Variants in GRIA2 observed in about 807,000 individuals in gnomAD.
GRIA2 encodes glutamate ionotropic receptor AMPA type subunit 2.
GRIA2 carries 14 observed loss-of-function variants against 97.3 expected under a neutral mutation model. That is an observed-to-expected ratio of 0.14 (90% confidence interval 0.10 to 0.23). The LOEUF is 0.23. Among genes scored for constraint, GRIA2 ranks in the 10% least tolerant of loss-of-function variants. The pLI is 1.00. For missense variants in GRIA2, 558 were observed against 1,069.8 expected (o/e 0.52, Z 6.67); for synonymous variants, 412 against 387.8 (o/e 1.06, Z -0.73).
chr4:157,343,125 T>G (rs1735618131), intron 12 of GRIA2, among the ~76,000 whole-genome samples: 1 of 152,034 alleles, frequency 6.6e-6, no homozygotes, highest in African/African-American at 2.4e-5. Flanking sequence ...GCCCATTTGT[T>G]CCAATATGCA....
intron 2 of GRIA2, among the ~76,000 whole-genome samples, chr4:157,224,004 A>G (rs535423553): frequency 9.5e-4 from 144 of 152,324 alleles, no homozygotes; most frequent in African/African-American, 3.2e-3. Context: ...GAATATGTGT[A>G]TATATTAAAC....
intron 2 of GRIA2, among the ~76,000 whole-genome samples, chr4:157,226,402 C>A (rs1009312966): frequency 3.3e-5 from 5 of 151,740 alleles, no homozygotes; most frequent in Non-Finnish European, 5.9e-5. Flanking sequence ...ACTTTCATTG[C>A]CTTTTAAAAA....
chr4:157,350,368 A>C (rs1020244610), intron 12 of GRIA2, among the ~76,000 whole-genome samples: 1 of 152,036 alleles, frequency 6.6e-6, no homozygotes, highest in African/African-American at 2.4e-5. Flanking sequence ...CGGTATCTAG[A>C]TCTGGGGTCT....
intron 2 of GRIA2, among the ~76,000 whole-genome samples, chr4:157,228,599 G>T (rs1189073310): frequency 6.6e-6 from 1 of 151,888 alleles, no homozygotes; most frequent in Non-Finnish European, 1.5e-5. Context: ...TCAAGACCAG[G>T]CTGGCCAACA....
Position 157,365,213 on chromosome 4 carries a change from CATG to C in GRIA2, c.*1785_*1787del, listed in dbSNP as rs1736832211. 6.6e-6 allele frequency: 1 copy of C among 151,588 alleles called. No homozygotes were observed. The allele number at this position is 151,588 out of a possible 1,614,324, so 9.4% of individuals were successfully genotyped here. ...CATTGAACATGGAGGCATGTGGTAT[CATG>C]ATATTCTTCACTAAATTTAGCTGTC... On this transcript the variant is annotated 3_prime_UTR_variant, in exon 16 of 16. Coordinates refer to ENST00000264426, the MANE Select transcript of GRIA2 (RefSeq NM_001083619.3).
intron 2 of GRIA2, among the ~76,000 whole-genome samples, chr4:157,255,314 C>A (rs1461932734): frequency 2.6e-5 from 4 of 151,966 alleles, no homozygotes; most frequent in African/African-American, 9.7e-5. Context: ...CACTGATGGA[C>A]ATTTACGTTT....
chr4:157,322,195 CAAAGAGAGAGAGAGAG>C (rs1319558472), intron 6 of GRIA2, among the ~76,000 whole-genome samples: 1 of 149,668 alleles, frequency 6.7e-6, no homozygotes, highest in Non-Finnish European at 1.5e-5. Context: ...CGTATGGCCA[CAAAGAGAGAGAGAGAG>C]AAAGAGAGAG....
At chr4:157,246,941 A>C (rs943407473) in intron 2 of GRIA2, among the ~76,000 whole-genome samples, 1 of 152,196 alleles carries the variant, frequency 6.6e-6, no homozygotes, top group Non-Finnish European at 1.5e-5. Context: ...CTAGTGGTAA[A>C]AAATGAAGGC....
intron 6 of GRIA2, among the ~76,000 whole-genome samples, chr4:157,329,719 T>C (rs1452659387): frequency 6.6e-6 from 1 of 151,908 alleles, no homozygotes; most frequent in Non-Finnish European, 1.5e-5. Flanking sequence ...AACTTACATA[T>C]ATAACATATT....
At chr4:157,271,672 A>T (rs1475528570) in intron 2 of GRIA2, among the ~76,000 whole-genome samples, 1 of 152,054 alleles carries the variant, frequency 6.6e-6, no homozygotes, top group Non-Finnish European at 1.5e-5. Context: ...GTCATTGGTG[A>T]TCGACTTAGT....
intron 2 of GRIA2, among the ~76,000 whole-genome samples, chr4:157,275,458 A>G (rs1732251952): frequency 6.6e-6 from 1 of 152,188 alleles, no homozygotes; most frequent in Admixed American, 6.6e-5. Context: ...CTATGACCTG[A>G]ATGGTATTGC....
In GRIA2 at chr4:157,220,822, G is replaced by A. The variant is rs1729457658; in HGVS notation, c.-221G>A. ...GAAAACTGCATTCAGCCAGTCCTCCGGACTTCTGGAGCGGGGACAGGGCGC... is the reference window on the plus strand; with the variant it reads ...GAAAACTGCATTCAGCCAGTCCTCCAGACTTCTGGAGCGGGGACAGGGCGC... On this transcript the variant is annotated 5_prime_UTR_variant, in exon 1 of 16. Transcript: ENST00000264426. 1.1e-5 allele frequency: 6 copies of A among 567,938 alleles called. No individual in the cohort carries two copies. Among genetic ancestry groups the A allele is most frequent in the Non-Finnish European group, 1.9e-5 (6 of 319,202 alleles). 35.2% of individuals were successfully genotyped at this position (567,938 alleles called of 1,614,324 possible). A position where few individuals can be genotyped will look rare whatever the true frequency, so the allele number is the denominator to read the frequency against.
At chr4:157,282,558 G>A (rs2126816827) in intron 2 of GRIA2, among the ~76,000 whole-genome samples, 1 of 152,188 alleles carries the variant, frequency 6.6e-6, no homozygotes. Context: ...GTTAAGAGGA[G>A]TAAGGATGAG....
At chr4:157,252,522 C>T (rs1285680234) in intron 2 of GRIA2, among the ~76,000 whole-genome samples, 1 of 151,956 alleles carries the variant, frequency 6.6e-6, no homozygotes. Context: ...GTCATTTTCC[C>T]AATAATTAAA....
intron 2 of GRIA2, among the ~76,000 whole-genome samples, chr4:157,284,855 A>T (rs1264337685): frequency 6.6e-6 from 1 of 151,554 alleles, no homozygotes; most frequent in Admixed American, 6.6e-5. Context: ...TGGTTTGTGG[A>T]TGGGTGTTTT....
At chr4:157,303,473 A>G (rs1733703330) in intron 2 of GRIA2, 79 bp from the exon 3 acceptor site, 5 of 1,145,128 alleles carry the variant, frequency 4.4e-6, no homozygotes, top group Non-Finnish European at 6.5e-6. Context: ...ATGTAAAAGG[A>G]CATTACGTTT....
chr4:157,314,986 T>G (rs962407583), intron 4 of GRIA2, among the ~76,000 whole-genome samples: 2 of 152,188 alleles, frequency 1.3e-5, no homozygotes, highest in Non-Finnish European at 2.9e-5. Flanking sequence ...AATTACAAGT[T>G]AAAATGCAAT....
chr4:157,286,874 C>A (rs1732870130), intron 2 of GRIA2, among the ~76,000 whole-genome samples: 1 of 151,552 alleles, frequency 6.6e-6, no homozygotes, highest in South Asian at 2.1e-4. Flanking sequence ...TCTTTCTTTT[C>A]TATTTGATTA....
intron 2 of GRIA2, among the ~76,000 whole-genome samples, chr4:157,297,406 T>C (rs993715554): frequency 3.9e-5 from 6 of 152,146 alleles, no homozygotes; most frequent in African/African-American, 1.4e-4. Flanking sequence ...AATATCAACA[T>C]TAATTAGAAC....
Sources: allele counts gnomAD v4.1 joint callset (sites outside exome capture counted in the v4.1 genomes callset), GRCh38; gene constraint gnomAD v4.1.1; transcripts MANE v1.5; gene names NCBI Gene and HGNC (gene_info 2026-07-23, HGNC 2026-07-21).